The following DPAGT1 variants were observed in gnomAD, a reference collection of about 807,000 sequenced individuals.
The protein encoded by DPAGT1 is dolichyl-phosphate N-acetylglucosaminephosphotransferase 1, also known as UDP-N-acetylglucosamine--dolichyl-phosphate N-acetylglucosaminephosphotransferase.
In DPAGT1, 25 loss-of-function variants were observed where a neutral mutation model predicts 39.3. The observed-to-expected ratio is 0.64, with a 90% CI of 0.46 to 0.89. DPAGT1 has a LOEUF of 0.89. Ranked by LOEUF, DPAGT1 falls within the 40% of genes least tolerant of loss-of-function variation. The pLI is 0.00. For missense variants in DPAGT1, 381 were observed against 500.6 expected (o/e 0.76, Z 2.28); for synonymous variants, 193 against 201.4 (o/e 0.96, Z 0.36).
rs1343568057 is a variant in DPAGT1, at chr11:119,097,660, C to T, written c.918-109G>A. 8 of 1,454,030 alleles carry T rather than the reference C, an allele frequency of 5.5e-6. No individual in the cohort carries two copies. The East Asian group carries it at 6.8e-5, about 12-fold the overall frequency. 90.1% of individuals were successfully genotyped at this position (1,454,030 alleles called of 1,614,324 possible). ...GAGTCAACCTGAGATCTATTTCTGG[C>T]TCTGCTGCTTACTGTTATCAGAACC... On this transcript the variant is annotated intron_variant, in intron 6 of 8. Transcript: ENST00000354202. The surrounding 1 kb of genome is among the most constrained non-coding windows in gnomAD (Gnocchi z 4.6).
rs756625547 is a variant in DPAGT1 at position 119,097,950 on chromosome 11, G to C, written c.822C>G (p.Thr274=). ...VVGILGHFSK[T]MLLFFMPQVF... is the part of the protein sequence containing the mutation. ...CCTGGGGCATGAAGAATAGTAGCATGGTCTTGCTGAAGTGTCCCAAGATGC... is the reference window on the plus strand; with the variant it reads ...CCTGGGGCATGAAGAATAGTAGCATCGTCTTGCTGAAGTGTCCCAAGATGC... Residue 274 remains threonine, a synonymous_variant, in exon 6 of 9, where the codon ACC becomes ACG. Transcript: ENST00000354202. The surrounding 1 kb of genome is among the most constrained non-coding windows in gnomAD (Gnocchi z 4.6). 6.2e-7 allele frequency: 1 copy of C among 1,614,204 alleles called. No homozygotes were observed. Among genetic ancestry groups the C allele is most frequent in the Non-Finnish European group, 8.5e-7 (1 of 1,180,042 alleles).
At chr11:119,098,374 G>C in intron 5 of DPAGT1, 29 bp downstream of exon 5, 1 of 1,605,396 alleles carries the variant, frequency 6.2e-7, no homozygotes, top group Non-Finnish European at 8.5e-7. Flanking sequence ...TGTTCAGGTA[G>C]TTGTCCCCTT....
Position 119,100,704 on chromosome 11 carries a change from A to G in DPAGT1, c.422T>C (p.Phe141Ser), listed in dbSNP as rs374406577. Residue 141 changes from phenylalanine to serine, a missense_variant, in exon 3 of 9, where the codon TTC becomes TCC. Transcript: ENST00000354202. ...AATGGTCGTGTTGCCAAAGTTGGTG[A>G]AATAGACCATGAGGAGAGGTAGTGA... Reference protein sequence around the residue: ...AASLPLLMVYFTNFGNTTIVV... With the variant: ...AASLPLLMVYSTNFGNTTIVV... 1 of 1,614,036 alleles carries G rather than the reference A, an allele frequency of 6.2e-7. No homozygotes were observed. The highest frequency in any genetic ancestry group is 8.5e-7 in the Non-Finnish European group (1 of 1,180,024).
intron 4 of DPAGT1, among the ~76,000 whole-genome samples, chr11:119,098,867 A>G (rs1236216821): frequency 6.6e-6 from 1 of 152,258 alleles, no homozygotes; most frequent in Non-Finnish European, 1.5e-5. Flanking sequence ...TTTAAATAAG[A>G]TAGTGTTTAA....
In DPAGT1 at chr11:119,100,717, G is replaced by A. The variant is rs202188944; in HGVS notation, c.409C>T (p.Leu137Phe). Residue 137 changes from leucine (L) to phenylalanine (F), a missense_variant, in exon 3 of 9, where the codon CTC (leucine) becomes TTC (phenylalanine). Transcript: ENST00000354202. ...LLPTAASLPL[L>F]MVYFTNFGNT... ...CCAAAGTTGGTGAAATAGACCATGA[G>A]GAGAGGTAGTGAGGCAGCTGTAGGT... is the stretch of plus-strand genomic sequence containing the variant. The A allele has an allele frequency of 1.2e-6, 2 of 1,614,180 alleles. No homozygotes were observed. The highest frequency in any genetic ancestry group is 1.3e-5 in the African/African-American group (1 of 75,052).
Position 119,101,658 on chromosome 11 carries a change from T to C in DPAGT1, c.-3A>G. On this transcript the variant is annotated 5_prime_UTR_variant, in exon 1 of 9. Transcript: ENST00000354202. ...GGCAATTCCGAGAAGGCCCACATGG[T>C]GACCGGTCAGGGGCCCGGCTCCGCC... The C allele has an allele frequency of 6.2e-7, 1 of 1,614,214 alleles. No homozygotes were observed.
downstream of DPAGT1, chr11:119,094,338 G>A (rs7350): frequency 0.31 from 46,853 of 152,256 alleles, 7,913 homozygotes; most frequent in East Asian, 0.49. Context: ...GACCGAAATC[G>A]GCGATCGCGT....
chr11:119,098,673 C>T (rs987262077), intron 4 of DPAGT1, among the ~76,000 whole-genome samples, 186 bp from the exon 5 acceptor site: 3 of 152,180 alleles, frequency 2.0e-5, no homozygotes, highest in African/African-American at 7.2e-5. Context: ...TTCGTGCAGC[C>T]TTCCAAACTA....
downstream of DPAGT1, chr11:119,094,819 G>C: frequency 1.2e-6 from 1 of 834,096 alleles, no homozygotes; most frequent in East Asian, 3.0e-5. Flanking sequence ...GGCGGGCGAG[G>C]GGAGGGGAGG....
chr11:119,095,600 G>C, downstream of DPAGT1: 1 of 532,588 alleles, frequency 1.9e-6, no homozygotes, highest in South Asian at 3.2e-5. Context: ...TCGGCTGAGG[G>C]AGCGCGCCCG....
At position 119,097,556 on chromosome 11, in the gene DPAGT1, G is replaced by C. The variant is rs191573465; in HGVS notation, c.918-5C>G. 1.2e-6 allele frequency: 2 copies of C among 1,614,080 alleles called. No individual in the cohort carries two copies. Among genetic ancestry groups the C allele is most frequent in the East Asian group, 2.2e-5 (1 of 44,884 alleles). On this transcript the variant is annotated splice_polypyrimidine_tract_variant and splice_region_variant and intron_variant, in intron 6 of 8. Coordinates refer to ENST00000354202, the MANE Select transcript of DPAGT1 (RefSeq NM_001382.4). This position sits in a 1 kb window ranked among gnomAD's most constrained non-coding sequence, Gnocchi z 4.6. ...TTGCCTGTCTTGATATTGAGTCTGC[G>C]GGGGGAAGATAGCTTCATGTGACTG...
chr11:119,098,109 A>T, intron 5 of DPAGT1, 66 bp from the exon 6 acceptor site: 1 of 1,600,598 alleles, frequency 6.2e-7, no homozygotes, highest in East Asian at 2.2e-5. Context: ...CTCACATCAC[A>T]CCCTATGGGC....
At chr11:119,101,412 C>G in intron 1 of DPAGT1, 83 bp downstream of exon 1, 2 of 1,609,720 alleles carry the variant, frequency 1.2e-6, no homozygotes, top group Non-Finnish European at 1.7e-6. Flanking sequence ...CACGTGTGGT[C>G]AAGCACCCCG....
chr11:119,095,785 C>T (rs1379671554), downstream of DPAGT1, among the ~76,000 whole-genome samples: 1 of 152,008 alleles, frequency 6.6e-6, no homozygotes, highest in Non-Finnish European at 1.5e-5. Context: ...CTGAGGCCAC[C>T]TAGAGAGCGT....
intron 3 of DPAGT1, 33 bp from the exon 4 acceptor site, chr11:119,100,441 G>A (rs1946477789): frequency 6.2e-7 from 1 of 1,614,092 alleles, no homozygotes; most frequent in Non-Finnish European, 8.5e-7. Context: ...AAGAAGTAGT[G>A]CCACCTAGGG....
At chr11:119,096,020 C>T (rs1946385981), downstream of DPAGT1, among the ~76,000 whole-genome samples, 2 of 152,182 alleles carry the variant, frequency 1.3e-5, no homozygotes, top group South Asian at 4.1e-4. Flanking sequence ...GGCTGGAGTG[C>T]AGTAGTGTGA....
At chr11:119,094,885 T>A (rs1244170517), downstream of DPAGT1, 21 of 1,393,178 alleles carry the variant, frequency 1.5e-5, no homozygotes, top group Non-Finnish European at 1.8e-5. Context: ...GCTCTTTCCA[T>A]GAGGGCGGTG....
chr11:119,097,725 A>G lies in DPAGT1; in HGVS notation c.917+130T>C. ...TGCAAATAAATGTGCTTTGTAAGTT[A>G]TAAAGGGCTACTCACATGGAAATAG... On this transcript the variant is annotated intron_variant, in intron 6 of 8. Transcript: ENST00000354202. This position sits in a 1 kb window ranked among gnomAD's most constrained non-coding sequence, Gnocchi z 4.6. The G allele has an allele frequency of 6.8e-7, 1 of 1,461,762 alleles. No homozygotes were observed. Among genetic ancestry groups the G allele is most frequent in the Non-Finnish European group, 9.6e-7 (1 of 1,045,988 alleles). 90.5% of individuals were successfully genotyped at this position (1,461,762 alleles called of 1,614,324 possible). A position where few individuals can be genotyped will look rare whatever the true frequency, so the allele number is the denominator to read the frequency against.
chr11:119,095,566 C>A, downstream of DPAGT1: 1 of 718,052 alleles, frequency 1.4e-6, no homozygotes, highest in Non-Finnish European at 2.1e-6. Flanking sequence ...CGGTTGGTTG[C>A]GGTTAACCCT....
Sources: allele counts gnomAD v4.1 joint callset (sites outside exome capture counted in the v4.1 genomes callset), GRCh38; gene constraint gnomAD v4.1.1; non-coding constraint Gnocchi (gnomAD v3.1); transcripts MANE v1.5; gene names NCBI Gene and HGNC (gene_info 2026-07-23, HGNC 2026-07-21).